Variants in NAA11 observed in about 807,000 individuals in gnomAD.
NAA11 encodes the protein N-alpha-acetyltransferase 11.
NAA11 carries 15 observed loss-of-function variants against 16.1 expected under a neutral mutation model. That is an observed-to-expected ratio of 0.93 (90% CI 0.62 to 1.44). The LOEUF (loss-of-function observed/expected upper bound fraction) is 1.44. Among genes scored for constraint, NAA11 ranks in the 40% most tolerant of loss-of-function variants. The pLI, the probability that NAA11 is intolerant of heterozygous loss-of-function variation, is 0.00. For synonymous variants in NAA11, 122 were observed against 112.4 expected, an observed-to-expected ratio of 1.09 and a Z score of -0.54; for missense variants, 298 against 291.3, an observed-to-expected ratio of 1.02 and a Z score of -0.17.
chr4:79,268,704 A>AC (rs1553893358), intron 2 of NAA11, among the ~76,000 whole-genome samples: 2 of 150,880 alleles, frequency 1.3e-5, no homozygotes, highest in East Asian at 3.9e-4. Flanking sequence ...GACACTTTGT[A>AC]TTTTTTTTTA....
chr4:79,258,959 C>A (rs761750147), intron 2 of NAA11: 68 of 209,990 alleles, frequency 3.2e-4, no homozygotes, highest in Non-Finnish European at 5.6e-4. Context: ...TGACCAGCTG[C>A]AGAGAGGAGC....
chr4:79,313,162 G>T (rs372001658), downstream of NAA11, among the ~76,000 whole-genome samples: 3 of 152,046 alleles, frequency 2.0e-5, no homozygotes, highest in East Asian at 5.8e-4. Context: ...AAAAAAAAAT[G>T]ATCACTGTTA....
chr4:79,215,724 C>T, the NAA11 span, among the ~76,000 whole-genome samples: 5 of 152,144 alleles, frequency 3.3e-5, no homozygotes, highest in Admixed American at 1.3e-4. Context: ...TCAAAATGCT[C>T]ATGTAGCTAG....
rs372939964 is a variant in NAA11, at chr4:79,302,624, T to C, written c.*13-8510A>G. On this transcript the variant is annotated intron_variant and NMD_transcript_variant, in intron 1 of 2. Coordinates refer to the NAA11 transcript ENST00000511542. ...TGTATATTTGCATTATATTTGTATA[T>C]ACATTTGTGTGTATATTCACATATA... 3.3e-5 allele frequency among the ~76,000 whole-genome samples: 5 copies of C among 152,338 alleles called. No individual in the cohort carries two copies. The East Asian group carries it at 7.7e-4, about 23-fold the overall frequency.
chr4:79,249,382 A>G (rs1433033966), intron 2 of NAA11, among the ~76,000 whole-genome samples: 1 of 152,234 alleles, frequency 6.6e-6, no homozygotes, highest in Non-Finnish European at 1.5e-5. Flanking sequence ...ATAAAACAAT[A>G]CGTGAGCTGA....
chr4:79,204,207 C>T, the NAA11 span, among the ~76,000 whole-genome samples: 3 of 151,710 alleles, frequency 2.0e-5, no homozygotes, highest in African/African-American at 7.3e-5. Context: ...TTGGTAGCTG[C>T]AAAAAGGCTC....
the NAA11 span, among the ~76,000 whole-genome samples, chr4:79,213,580 T>C: frequency 3.3e-5 from 5 of 152,142 alleles, no homozygotes; most frequent in African/African-American, 4.8e-5. Context: ...ATGATTAAAA[T>C]ATAGTTAAAC....
intron 2 of NAA11, among the ~76,000 whole-genome samples, chr4:79,271,828 TAGG>T (rs962591194): frequency 7.2e-5 from 11 of 151,858 alleles, no homozygotes; most frequent in African/African-American, 2.7e-4. Flanking sequence ...AAGAACCAGG[TAGG>T]GGGTGTGGTA....
downstream of NAA11, among the ~76,000 whole-genome samples, chr4:79,311,881 A>T (rs1171752527): frequency 6.6e-6 from 1 of 152,232 alleles, no homozygotes; most frequent in African/African-American, 2.4e-5. Context: ...ATTGCCTTTC[A>T]AGGGCTACAC....
In NAA11 at chr4:79,257,508, G is replaced by T. The variant is rs908178059; in HGVS notation, c.*123-31238C>A. On this transcript the variant is annotated intron_variant and NMD_transcript_variant, in intron 2 of 2. Coordinates refer to the NAA11 transcript ENST00000511542. Reference sequence around the variant, plus strand: ...TTCTTCTTTAGGTCACTTATTATCTGTAAGAGGATTCTCTTTGCCTATATT... The same window carrying T: ...TTCTTCTTTAGGTCACTTATTATCTTTAAGAGGATTCTCTTTGCCTATATT... Among the ~76,000 whole-genome samples, 5 of 152,106 alleles carry T rather than the reference G, an allele frequency of 3.3e-5. No individual in the cohort carries two copies. The East Asian group carries it at 7.7e-4, about 23-fold the overall frequency.
chr4:79,322,466 T>C (rs529174199), intron 1 of NAA11, among the ~76,000 whole-genome samples: 4 of 150,422 alleles, frequency 2.7e-5, no homozygotes, highest in African/African-American at 9.8e-5. Context: ...TTAAGTGCTT[T>C]TGAATTCATC....
chr4:79,186,151 C>G, the NAA11 span, among the ~76,000 whole-genome samples: 1 of 152,140 alleles, frequency 6.6e-6, no homozygotes, highest in South Asian at 2.1e-4. Flanking sequence ...GCTGAAAATG[C>G]TACAAGCCCA....
At chr4:79,240,865 G>A (rs191321043) in intron 2 of NAA11, among the ~76,000 whole-genome samples, 1 of 152,194 alleles carries the variant, frequency 6.6e-6, no homozygotes, top group Non-Finnish European at 1.5e-5. Flanking sequence ...AAAGTCAGCA[G>A]AGAAGTATAG....
the NAA11 span, among the ~76,000 whole-genome samples, chr4:79,202,265 C>T: frequency 6.6e-6 from 1 of 151,332 alleles, no homozygotes; most frequent in African/African-American, 2.4e-5. Context: ...ACTATCCAGC[C>T]ATAAAGGAGA....
chr4:79,295,379 C>A (rs1723185771), intron 1 of NAA11, among the ~76,000 whole-genome samples: 1 of 152,180 alleles, frequency 6.6e-6, no homozygotes. Context: ...TTCAGGATTA[C>A]AGGCTTTCAG....
At chr4:79,167,062 A>G in the NAA11 span, among the ~76,000 whole-genome samples, 3 of 132,844 alleles carry the variant, frequency 2.3e-5, no homozygotes, top group South Asian at 7.6e-4. Flanking sequence ...GGTATGAGGT[A>G]TGGGGAGTCA....
chr4:79,221,517 T>C (rs1721187856), downstream of NAA11, among the ~76,000 whole-genome samples: 2 of 133,292 alleles, frequency 1.5e-5, no homozygotes, highest in African/African-American at 5.5e-5. Flanking sequence ...GGGTTTGTCA[T>C]AGATAGCTCT....
At chr4:79,305,584 GC>G (rs1723553397) in intron 1 of NAA11, among the ~76,000 whole-genome samples, 1 of 152,176 alleles carries the variant, frequency 6.6e-6, no homozygotes, top group Non-Finnish European at 1.5e-5. Context: ...GTTCACAAAA[GC>G]TTTTTTTACT....
intron 2 of NAA11, among the ~76,000 whole-genome samples, chr4:79,244,187 C>T (rs1029043534): frequency 1.3e-5 from 2 of 152,192 alleles, no homozygotes; most frequent in African/African-American, 2.4e-5. Context: ...GCCAAGTTAT[C>T]GCTTTTAGAG....
Sources: allele counts gnomAD v4.1 joint callset (sites outside exome capture counted in the v4.1 genomes callset), GRCh38; gene constraint gnomAD v4.1.1; transcripts MANE v1.5; gene names NCBI Gene and HGNC (gene_info 2026-07-23, HGNC 2026-07-21).